UNC13C: variants seen among roughly 807,000 people sequenced by gnomAD.
UNC13C encodes protein unc-13 homolog C.
In UNC13C, 174 loss-of-function variants were observed where a neutral mutation model predicts 245.4. The ratio of observed to expected loss-of-function variants is 0.71; its 90% confidence interval spans 0.63 to 0.80. UNC13C has a LOEUF of 0.80. Among genes scored for constraint, UNC13C ranks in the 30% least tolerant of loss-of-function variants. The probability of loss-of-function intolerance (pLI) is 0.00; values close to 1 mark genes in which losing one functional copy is unlikely to be tolerated. For missense variants in UNC13C, 2,829 were observed against 2,602.9 expected (o/e 1.09, Z -1.89); for synonymous variants, 992 against 895.1 (o/e 1.11, Z -1.93).
the UNC13C span, chr15:53,948,359 A>G: frequency 3.3e-5 from 5 of 152,254 alleles, no homozygotes; most frequent in East Asian, 5.8e-4. Flanking sequence ...GCTCATGCCT[A>G]TAATCCCAGC....
intron 13 of UNC13C, among the ~76,000 whole-genome samples, chr15:54,309,105 A>C (rs8025641): frequency 0.084 from 12,744 of 151,838 alleles, 623 homozygotes; most frequent in Admixed American, 0.13. Flanking sequence ...TTGCTGTAAT[A>C]ATTTACATTA....
intron 17 of UNC13C, among the ~76,000 whole-genome samples, chr15:54,349,530 G>A (rs1423819801): frequency 6.6e-6 from 1 of 152,088 alleles, no homozygotes; most frequent in Non-Finnish European, 1.5e-5. Flanking sequence ...AAACATTGAT[G>A]AGAAAAGTCT....
intron 32 of UNC13C, among the ~76,000 whole-genome samples, 183 bp downstream of exon 32, chr15:54,624,137 G>T (rs969961074): frequency 6.6e-6 from 1 of 151,650 alleles, no homozygotes; most frequent in Non-Finnish European, 1.5e-5. Flanking sequence ...TAGTCATTAG[G>T]TGTATATATC....
the UNC13C span, among the ~76,000 whole-genome samples, chr15:53,853,162 G>C: frequency 1.4e-4 from 21 of 152,066 alleles, no homozygotes; most frequent in Non-Finnish European, 2.9e-4. Context: ...TCTTCCTGAT[G>C]CTCTCTCTCC....
chr15:54,051,260 T>A (rs1435895123), intron 2 of UNC13C, among the ~76,000 whole-genome samples: 1 of 152,194 alleles, frequency 6.6e-6, no homozygotes, highest in African/African-American at 2.4e-5. Flanking sequence ...TCATTTGTAT[T>A]CTTGATGCAT....
At chr15:54,526,764 A>AT (rs1036388365) in intron 25 of UNC13C, among the ~76,000 whole-genome samples, 1 of 148,744 alleles carries the variant, frequency 6.7e-6, no homozygotes, top group African/African-American at 2.4e-5. Flanking sequence ...AAAAAAAAAA[A>AT]GATTGCTCTC....
intron 4 of UNC13C, among the ~76,000 whole-genome samples, chr15:54,171,724 A>T (rs1329061123): frequency 6.6e-6 from 1 of 152,144 alleles, no homozygotes; most frequent in Non-Finnish European, 1.5e-5. Context: ...AAATAGAGCC[A>T]CCGTATGATC....
Position 54,448,024 on chromosome 15 carries a change from G to T in UNC13C, c.4933+32957G>T, listed in dbSNP as rs913184962. Reference sequence around the variant, plus strand: ...ACATCTTTATTTCTGCCTTCATTTCGTTATGTACCCAGTAGTCATTCAGGA... The same window carrying T: ...ACATCTTTATTTCTGCCTTCATTTCTTTATGTACCCAGTAGTCATTCAGGA... On this transcript the variant is annotated intron_variant, in intron 19 of 32. Transcript: ENST00000260323. Among the ~76,000 whole-genome samples, 4 of 152,122 alleles carry T rather than the reference G, an allele frequency of 2.6e-5. No homozygotes were observed. The East Asian group carries it at 7.7e-4, about 29-fold the overall frequency.
At chr15:54,562,708 A>G (rs1192230419) in intron 29 of UNC13C, among the ~76,000 whole-genome samples, 2 of 152,056 alleles carry the variant, frequency 1.3e-5, no homozygotes, top group Non-Finnish European at 2.9e-5. Flanking sequence ...ATAGACTTTC[A>G]GATATCGAAG....
chr15:54,058,956 G>A lies in UNC13C; in HGVS notation c.2983+43070G>A, dbSNP rs567344865. On this transcript the variant is annotated intron_variant, in intron 2 of 32. Coordinates refer to ENST00000260323, the MANE Select transcript of UNC13C (RefSeq NM_001080534.3). ...TCAATAAATTAGGTATTGACGGGACGTATCTCAAAATAATAAGAGCTATCT... is the reference window on the plus strand; with the variant it reads ...TCAATAAATTAGGTATTGACGGGACATATCTCAAAATAATAAGAGCTATCT... Among the ~76,000 whole-genome samples the A allele has an allele frequency of 7.4e-4, 112 of 152,226 alleles. 5 individuals carry two copies. In the South Asian group the frequency reaches 0.011, roughly 16 times the overall value.
At chr15:54,026,342 C>T (rs1210664463) in intron 2 of UNC13C, among the ~76,000 whole-genome samples, 1 of 152,112 alleles carries the variant, frequency 6.6e-6, no homozygotes, top group African/African-American at 2.4e-5. Context: ...GGTGACAGGC[C>T]CAGGATTTCT....
At chr15:54,321,184 T>C (rs1205902908) in intron 13 of UNC13C, 3 of 509,402 alleles carry the variant, frequency 5.9e-6, no homozygotes, top group African/African-American at 3.9e-5. Context: ...CACAGTAAGG[T>C]GTTTCTGAAT....
chr15:54,471,283 A>G (rs1161463645), intron 19 of UNC13C, among the ~76,000 whole-genome samples: 2 of 151,566 alleles, frequency 1.3e-5, no homozygotes, highest in African/African-American at 4.8e-5. Context: ...TCTATTGTTG[A>G]AAGTAGGATA....
intron 19 of UNC13C, among the ~76,000 whole-genome samples, chr15:54,438,157 A>G (rs566536346): frequency 6.6e-6 from 1 of 151,940 alleles, no homozygotes; most frequent in Non-Finnish European, 1.5e-5. Context: ...AACAGCTCAC[A>G]TTAACTTTTC....
chr15:54,488,196 C>T (rs371063092), intron 19 of UNC13C, among the ~76,000 whole-genome samples: 11 of 152,136 alleles, frequency 7.2e-5, no homozygotes, highest in Non-Finnish European at 1.0e-4. Flanking sequence ...GAAATGCTTA[C>T]GTGTGTTTTG....
At chr15:54,622,702 C>T (rs1900872347) in intron 31 of UNC13C, among the ~76,000 whole-genome samples, 1 of 152,116 alleles carries the variant, frequency 6.6e-6, no homozygotes. Flanking sequence ...ATTCATTGAA[C>T]ACTTGCACTT....
intron 24 of UNC13C, among the ~76,000 whole-genome samples, chr15:54,521,311 T>C (rs1895206765): frequency 6.6e-6 from 1 of 152,096 alleles, no homozygotes; most frequent in East Asian, 1.9e-4. Flanking sequence ...ACTGATGAGC[T>C]GAACACAGGA....
chr15:54,237,202 T>A (rs2035724371), intron 6 of UNC13C, among the ~76,000 whole-genome samples: 1 of 152,176 alleles, frequency 6.6e-6, no homozygotes, highest in Admixed American at 6.5e-5. Flanking sequence ...CATCTAATAC[T>A]AATTATGATT....
At chr15:54,587,536 A>G (rs1288101690) in intron 30 of UNC13C, among the ~76,000 whole-genome samples, 3 of 152,182 alleles carry the variant, frequency 2.0e-5, no homozygotes, top group Non-Finnish European at 4.4e-5. Context: ...TAGATAGTAA[A>G]CTCACAACTA....
Sources: allele counts gnomAD v4.1 joint callset (sites outside exome capture counted in the v4.1 genomes callset), GRCh38; gene constraint gnomAD v4.1.1; transcripts MANE v1.5; gene names NCBI Gene and HGNC (gene_info 2026-07-23, HGNC 2026-07-21).